Variants in CTNNA2 observed in about 807,000 individuals in gnomAD.
The protein encoded by CTNNA2 is catenin alpha-2.
A neutral mutation model predicts 101.0 loss-of-function variants in CTNNA2; 42 were observed. The observed-to-expected ratio is 0.42, with a 90% CI of 0.32 to 0.54. The LOEUF is 0.54. Ranked by LOEUF, CTNNA2 falls within the 20% of genes least tolerant of loss-of-function variation. The pLI, the probability that CTNNA2 is intolerant of heterozygous loss-of-function variation, is 0.14. For missense variants in CTNNA2, 871 were observed against 1,223.1 expected (o/e 0.71, Z 4.29); for synonymous variants, 450 against 456.4 (o/e 0.99, Z 0.18).
intron 4 of CTNNA2, among the ~76,000 whole-genome samples, chr2:79,394,511 C>A (rs1678209359): frequency 6.6e-6 from 1 of 152,204 alleles, no homozygotes; most frequent in Non-Finnish European, 1.5e-5. Context: ...GGAATGAGCA[C>A]TTTGGAAAGT....
rs547324125 is a variant in CTNNA2, at chr2:79,789,674, G to A, written c.298+45092G>A. Among the ~76,000 whole-genome samples the A allele has an allele frequency of 3.9e-5, 6 of 152,158 alleles. No homozygotes were observed. The South Asian group carries it at 8.3e-4, about 21-fold the overall frequency. ...ATGTGGTAGTGCAAAGGACAAACAC[G>A]TGGCACATTTTTACGGTAGAGTTGA... On this transcript the variant is annotated intron_variant, in intron 3 of 18. Transcript: ENST00000402739.
intron 7 of CTNNA2, among the ~76,000 whole-genome samples, chr2:80,017,476 GTGTGTATATATATGTATATA>G (rs1026268754): frequency 9.9e-5 from 15 of 151,272 alleles, no homozygotes; most frequent in East Asian, 3.9e-4. Flanking sequence ...GTGTATATAT[GTGTGTATATATATGTATATA>G]TGTGTATATA....
At chr2:79,320,071 A>C (rs1676583615) in intron 3 of CTNNA2, 1 of 152,140 alleles carries the variant, frequency 6.6e-6, no homozygotes, top group South Asian at 2.1e-4. Context: ...AGGGAGAAAG[A>C]GTAGCTTACT....
intron 4 of CTNNA2, among the ~76,000 whole-genome samples, chr2:79,407,481 A>G (rs1381283532): frequency 6.6e-6 from 1 of 151,978 alleles, no homozygotes; most frequent in African/African-American, 2.4e-5. Flanking sequence ...ACACACATGT[A>G]CATAAACACT....
intron 7 of CTNNA2, among the ~76,000 whole-genome samples, chr2:80,026,142 A>G (rs1466307760): frequency 1.3e-5 from 2 of 152,208 alleles, no homozygotes; most frequent in African/African-American, 4.8e-5. Flanking sequence ...GTGAGGCAGC[A>G]AGCCATGAGG....
intron 1 of CTNNA2, among the ~76,000 whole-genome samples, chr2:79,536,686 T>TTTTTTTTTTCTTTTC (rs71385281): frequency 2.9e-5 from 4 of 140,032 alleles, no homozygotes; most frequent in Admixed American, 7.2e-5. Context: ...ATGGATTTTT[T>TTTTTTTTTTCTTTTC]TTTTCTTTTC....
At chr2:79,950,337 T>A (rs1251669700) in intron 7 of CTNNA2, among the ~76,000 whole-genome samples, 2 of 152,256 alleles carry the variant, frequency 1.3e-5, no homozygotes, top group Non-Finnish European at 2.9e-5. Context: ...TTGTAGTTCT[T>A]TACAATTATG....
chr2:79,523,891 A>G (rs1672255052), intron 1 of CTNNA2, among the ~76,000 whole-genome samples: 1 of 151,974 alleles, frequency 6.6e-6, no homozygotes, highest in Admixed American at 6.6e-5. Context: ...CTTTGCTGTG[A>G]TGAGTGTGTT....
intron 1 of CTNNA2, among the ~76,000 whole-genome samples, chr2:79,526,579 G>T (rs191538090): frequency 5.3e-5 from 8 of 151,938 alleles, no homozygotes; most frequent in Admixed American, 4.6e-4. Flanking sequence ...AAAACTAACC[G>T]CAAAAGTATA....
At chr2:79,874,394 A>G (rs1394418946) in intron 6 of CTNNA2, 52 bp downstream of exon 6, 4 of 1,571,380 alleles carry the variant, frequency 2.5e-6, no homozygotes, top group Non-Finnish European at 3.4e-6. Context: ...GTTGACAAAA[A>G]AAAAAAATGT....
intron 7 of CTNNA2, among the ~76,000 whole-genome samples, chr2:79,993,778 G>T (rs1366939042): frequency 1.3e-5 from 2 of 152,174 alleles, no homozygotes; most frequent in East Asian, 3.9e-4. Flanking sequence ...AAAAAGAAGT[G>T]GCTCTGGGGA....
intron 1 of CTNNA2, among the ~76,000 whole-genome samples, chr2:79,567,893 G>C (rs1675214475): frequency 2.0e-5 from 3 of 152,150 alleles, no homozygotes; most frequent in Admixed American, 1.3e-4. Context: ...GAGAAAGTTG[G>C]TACCTGAAGA....
intron 2 of CTNNA2, among the ~76,000 whole-genome samples, chr2:79,299,208 T>C (rs1676050470): frequency 6.6e-6 from 1 of 152,140 alleles, no homozygotes; most frequent in African/African-American, 2.4e-5. Context: ...TGATGGCCTG[T>C]CCTGACAGCC....
At chr2:80,485,698 G>A (rs957458746) in intron 9 of CTNNA2, among the ~76,000 whole-genome samples, 5 of 152,014 alleles carry the variant, frequency 3.3e-5, no homozygotes, top group Non-Finnish European at 7.4e-5. Flanking sequence ...CCAGTGAACT[G>A]AAAACAATAA....
intron 7 of CTNNA2, among the ~76,000 whole-genome samples, chr2:80,172,551 C>T (rs1240146066): frequency 6.6e-6 from 1 of 152,178 alleles, no homozygotes; most frequent in Non-Finnish European, 1.5e-5. Context: ...TTCAGAATCT[C>T]AGGCTACACC....
At chr2:79,269,193 T>C (rs1393746594) in intron 2 of CTNNA2, among the ~76,000 whole-genome samples, 1 of 152,084 alleles carries the variant, frequency 6.6e-6, no homozygotes, top group Admixed American at 6.6e-5. Flanking sequence ...GGAGATCAGT[T>C]AAAAAGCTAA....
At chr2:79,769,773 A>G (rs1229542111) in intron 3 of CTNNA2, among the ~76,000 whole-genome samples, 1 of 152,220 alleles carries the variant, frequency 6.6e-6, no homozygotes, top group Non-Finnish European at 1.5e-5. Context: ...CAATGGAGGA[A>G]ATACTGGAAT....
chr2:79,480,611 T>C (rs1317225557), intron 4 of CTNNA2, among the ~76,000 whole-genome samples: 6 of 152,200 alleles, frequency 3.9e-5, no homozygotes, highest in Non-Finnish European at 8.8e-5. Context: ...TTTAATATCT[T>C]TCTGAATTCT....
intron 2 of CTNNA2, among the ~76,000 whole-genome samples, chr2:79,299,475 G>C (rs1049223342): frequency 1.3e-5 from 2 of 152,184 alleles, no homozygotes; most frequent in African/African-American, 2.4e-5. Flanking sequence ...AATTTTTATA[G>C]ATTAATTCTC....
Sources: allele counts gnomAD v4.1 joint callset (sites outside exome capture counted in the v4.1 genomes callset), GRCh38; gene constraint gnomAD v4.1.1; transcripts MANE v1.5; gene names NCBI Gene and HGNC (gene_info 2026-07-23, HGNC 2026-07-21).